Variants in PIK3CD observed in about 807,000 individuals in gnomAD.
PIK3CD encodes phosphatidylinositol-4,5-bisphosphate 3-kinase catalytic subunit delta, also known as phosphatidylinositol 4,5-bisphosphate 3-kinase catalytic subunit delta isoform.
A neutral mutation model predicts 122.9 loss-of-function variants in PIK3CD; 20 were observed. The observed-to-expected ratio is 0.16, with a 90% CI of 0.11 to 0.24. The LOEUF (loss-of-function observed/expected upper bound fraction) is 0.24, where lower values mean the gene tolerates loss of function less well. Ranked by LOEUF, PIK3CD falls within the 10% of genes least tolerant of loss-of-function variation. The probability of loss-of-function intolerance (pLI) is 1.00; values close to 1 mark genes in which losing one functional copy is unlikely to be tolerated. For synonymous variants in PIK3CD, 596 were observed against 593.4 expected, an observed-to-expected ratio of 1.00 and a Z score of -0.06; for missense variants, 787 against 1,406.3, an observed-to-expected ratio of 0.56 and a Z score of 7.04.
upstream of PIK3CD, among the ~76,000 whole-genome samples, chr1:9,648,460 T>A (rs372020263): frequency 3.3e-3 from 510 of 152,354 alleles, 5 homozygotes; most frequent in East Asian, 0.021. Context: ...GCGTTGAAAG[T>A]GCAGCCTAGC....
Position 9,717,481 on chromosome 1 carries a change from A to G in PIK3CD, c.931-56A>G. 1 of 1,558,694 alleles carries G rather than the reference A, an allele frequency of 6.4e-7. No individual in the cohort carries two copies. Among genetic ancestry groups the G allele is most frequent in the Non-Finnish European group, 8.8e-7 (1 of 1,130,138 alleles). On this transcript the variant is annotated intron_variant, in intron 7 of 23. Coordinates refer to ENST00000377346, the MANE Select transcript of PIK3CD (RefSeq NM_005026.5). This position sits in a 1 kb window ranked among gnomAD's most constrained non-coding sequence, Gnocchi z 5.4. ...GTGGTCACGGGCCTCACCATAGGCC[A>G]GGGAGACAAGCTGCACTTTGAGCCG...
At chr1:9,665,430 T>G (rs1159757802) in intron 1 of PIK3CD, among the ~76,000 whole-genome samples, 8 of 151,102 alleles carry the variant, frequency 5.3e-5, no homozygotes, top group Non-Finnish European at 1.2e-4. Context: ...ATTTTTTGTA[T>G]TTTGGTAGAG....
intron 2 of PIK3CD, among the ~76,000 whole-genome samples, chr1:9,694,411 G>T (rs564009730): frequency 6.0e-4 from 91 of 152,324 alleles, no homozygotes; most frequent in Non-Finnish European, 1.2e-3. Context: ...GCGCGTGCCT[G>T]TAATCCCAGC....
At chr1:9,669,581 CT>C (rs1645261958) in intron 1 of PIK3CD, among the ~76,000 whole-genome samples, 1 of 152,132 alleles carries the variant, frequency 6.6e-6, no homozygotes, top group Non-Finnish European at 1.5e-5. Flanking sequence ...CTGCCTCGGC[CT>C]CGCAAAGTAC....
chr1:9,655,564 C>T (rs1644827925), intron 1 of PIK3CD, among the ~76,000 whole-genome samples: 1 of 151,504 alleles, frequency 6.6e-6, no homozygotes, highest in African/African-American at 2.4e-5. Flanking sequence ...TGAAAGTTCC[C>T]CTTCCAGCTG....
At chr1:9,655,608 C>T (rs1644829478) in intron 1 of PIK3CD, among the ~76,000 whole-genome samples, 1 of 152,006 alleles carries the variant, frequency 6.6e-6, no homozygotes, top group Non-Finnish European at 1.5e-5. Context: ...TCCCCTCCCT[C>T]CCCAGAAGTC....
rs1648009252 is a variant in PIK3CD, at chr1:9,718,903, G to A, written c.1230G>A (p.Lys410=). The A allele has an allele frequency of 6.2e-7, 1 of 1,612,610 alleles. No homozygotes were observed. The highest frequency in any genetic ancestry group is 1.7e-4 in the Middle Eastern group (1 of 6,060). ...AGAAGGCTCGCTCCACCAAGAAGAAGTCCAAGAAGGCGGTGGGTCCCAGGG... is the reference window on the plus strand; with the variant it reads ...AGAAGGCTCGCTCCACCAAGAAGAAATCCAAGAAGGCGGTGGGTCCCAGGG... ...KAKKARSTKK[K]SKKADCPIAW... The change falls in exon 9 of 24, where the codon AAG becomes AAA. Residue 410 remains lysine (K), a synonymous_variant. Coordinates refer to ENST00000377346, the MANE Select transcript of PIK3CD (RefSeq NM_005026.5). This position sits in a 1 kb window ranked among gnomAD's most constrained non-coding sequence, Gnocchi z 7.2.
Position 9,720,997 on chromosome 1 carries a change from C to A in PIK3CD, c.1689+88C>A. ...CACCCTGACCCCGGCCAACCCCCAC[C>A]CTCACCCTGGCCAACCTTCACCCTG... On this transcript the variant is annotated intron_variant, in intron 13 of 23. Transcript: ENST00000377346. The surrounding 1 kb of genome is among the most constrained non-coding windows in gnomAD (Gnocchi z 9.0). 6.8e-7 allele frequency: 1 copy of A among 1,470,790 alleles called. No individual in the cohort carries two copies. Among genetic ancestry groups the A allele is most frequent in the South Asian group, 1.2e-5 (1 of 83,408 alleles). 91.1% of individuals were successfully genotyped at this position (1,470,790 alleles called of 1,614,324 possible).
chr1:9,695,126 A>G (rs181778476), intron 2 of PIK3CD, among the ~76,000 whole-genome samples: 1 of 152,338 alleles, frequency 6.6e-6, no homozygotes, highest in East Asian at 1.9e-4. Flanking sequence ...TTAAGATAGC[A>G]GAAGTAAAAA....
At position 9,710,612 on chromosome 1, in the gene PIK3CD, G is replaced by A. The variant is rs753609009; in HGVS notation, c.141+16G>A. 69 of 1,612,438 alleles carry A rather than the reference G, an allele frequency of 4.3e-5. No individual in the cohort carries two copies. The highest frequency in any genetic ancestry group is 5.4e-5 in the Non-Finnish European group (64 of 1,179,672). On this transcript the variant is annotated intron_variant, in intron 3 of 23. Coordinates refer to ENST00000377346, the MANE Select transcript of PIK3CD (RefSeq NM_005026.5). The surrounding 1 kb of genome is among the most constrained non-coding windows in gnomAD (Gnocchi z 4.7). ...CATCAAGCAGGTATGGCCTCCATCC[G>A]GTCCTCAGACCTTGGTGCTCAGAGA...
chr1:9,676,706 G>A (rs567880658), intron 1 of PIK3CD, among the ~76,000 whole-genome samples: 1 of 152,154 alleles, frequency 6.6e-6, no homozygotes, highest in Non-Finnish European at 1.5e-5. Context: ...TTCCTTCCCC[G>A]TCACCTCCTT....
intron 1 of PIK3CD, among the ~76,000 whole-genome samples, chr1:9,680,466 C>T (rs757466297): frequency 6.6e-6 from 1 of 151,984 alleles, no homozygotes; most frequent in Non-Finnish European, 1.5e-5. Flanking sequence ...AAAATTAAAA[C>T]ATTTTCATCA....
At chr1:9,676,754 C>T (rs1645554109) in intron 1 of PIK3CD, among the ~76,000 whole-genome samples, 4 of 152,216 alleles carry the variant, frequency 2.6e-5, no homozygotes, top group Non-Finnish European at 5.9e-5. Context: ...TGAATGGCTG[C>T]CTTCGGGGCT....
intron 1 of PIK3CD, among the ~76,000 whole-genome samples, chr1:9,660,077 A>C (rs1336519937): frequency 6.6e-6 from 1 of 152,084 alleles, no homozygotes; most frequent in East Asian, 1.9e-4. Context: ...CACCACGCCC[A>C]GCTAGTTTTG....
intron 1 of PIK3CD, among the ~76,000 whole-genome samples, chr1:9,675,581 G>T (rs1304091639): frequency 6.6e-6 from 1 of 151,918 alleles, no homozygotes; most frequent in Non-Finnish European, 1.5e-5. Flanking sequence ...AGGAAGAAGT[G>T]CTGGGTTGGG....
intron 1 of PIK3CD, among the ~76,000 whole-genome samples, chr1:9,684,263 G>A (rs761297907): frequency 1.3e-5 from 2 of 152,246 alleles, no homozygotes; most frequent in South Asian, 2.1e-4. Context: ...CAGGCTGGGC[G>A]CAGTGGCTCA....
chr1:9,675,036 A>AG (rs1553160744), intron 1 of PIK3CD, among the ~76,000 whole-genome samples: 2,132 of 140,978 alleles, frequency 0.015, 39 homozygotes, highest in African/African-American at 0.05. Context: ...AAAAAAAAAA[A>AG]AGAGAGAGAG....
the PIK3CD span, among the ~76,000 whole-genome samples, chr1:9,629,735 G>A: frequency 6.6e-6 from 1 of 152,104 alleles, no homozygotes; most frequent in Non-Finnish European, 1.5e-5. Flanking sequence ...CCTCGCCACA[G>A]GGTACTCGCC....
the PIK3CD span, among the ~76,000 whole-genome samples, chr1:9,635,845 G>A: frequency 1.7e-4 from 26 of 152,306 alleles, no homozygotes; most frequent in South Asian, 5.2e-3. Flanking sequence ...ATCCCTGTAC[G>A]GGGCTGCCCC....
Sources: gnomAD v4.1 joint callset for allele counts (sites outside exome capture counted in the v4.1 genomes callset) on GRCh38, gnomAD v4.1.1 for gene constraint, Gnocchi (gnomAD v3.1) non-coding constraint, MANE v1.5 for transcripts, NCBI Gene and HGNC (gene_info 2026-07-23, HGNC 2026-07-21) for gene names.